The following TLK1 variants were observed in gnomAD, a reference collection of about 807,000 sequenced individuals.
The protein encoded by TLK1 is serine/threonine-protein kinase tousled-like 1.
Under a neutral mutation model 105.3 loss-of-function variants are expected in TLK1, and 24 were observed. The observed-to-expected ratio is 0.23, with a 90% CI of 0.17 to 0.32. The LOEUF is 0.32. TLK1 is among the 10% of genes least tolerant of loss of function. The pLI, the probability that TLK1 is intolerant of heterozygous loss-of-function variation, is 1.00. For missense variants in TLK1, 558 were observed against 910.5 expected (o/e 0.61, Z 4.98); for synonymous variants, 321 against 310.4 (o/e 1.03, Z -0.36).
chr2:171,205,859 A>T (rs1407302608), intron 1 of TLK1, among the ~76,000 whole-genome samples: 2 of 152,226 alleles, frequency 1.3e-5, no homozygotes, highest in African/African-American at 2.4e-5. Context: ...GATTGAAATG[A>T]AATATTATAT....
chr2:171,144,499 T>G (rs1187399218), intron 1 of TLK1, among the ~76,000 whole-genome samples: 2 of 152,024 alleles, frequency 1.3e-5, no homozygotes, highest in Non-Finnish European at 2.9e-5. Flanking sequence ...TAGAATTAAA[T>G]TAGAACTCAG....
chr2:171,126,484 A>AT (rs1690872224), intron 1 of TLK1, among the ~76,000 whole-genome samples: 1 of 152,194 alleles, frequency 6.6e-6, no homozygotes, highest in Non-Finnish European at 1.5e-5. Flanking sequence ...TATGATAGTT[A>AT]TATCACCTGT....
intron 1 of TLK1, among the ~76,000 whole-genome samples, chr2:171,134,830 A>C (rs1482509891): frequency 7.0e-6 from 1 of 143,506 alleles, no homozygotes; most frequent in Non-Finnish European, 1.5e-5. Context: ...CTTGAGGTGG[A>C]GCTCAAGCAA....
At chr2:171,075,027 A>G (rs1688438207) in intron 3 of TLK1, among the ~76,000 whole-genome samples, 1 of 152,096 alleles carries the variant, frequency 6.6e-6, no homozygotes, top group African/African-American at 2.4e-5. Context: ...AAGGCATTAA[A>G]AAAAAAAAGA....
intron 2 of TLK1, among the ~76,000 whole-genome samples, chr2:171,107,688 A>C (rs1027671188): frequency 6.6e-6 from 1 of 152,220 alleles, no homozygotes; most frequent in Non-Finnish European, 1.5e-5. Flanking sequence ...TAAAGTGACC[A>C]TGCGAAGGAG....
At position 171,049,861 on chromosome 2, in the gene TLK1, T is replaced by C. The variant is rs1188545818; in HGVS notation, c.933A>G (p.Ser311=). The C allele has an allele frequency of 3.1e-6, 5 of 1,613,952 alleles. No homozygotes were observed. Residue 311 remains serine (S), a synonymous_variant, in exon 10 of 21, where the codon TCA becomes TCG. Coordinates refer to ENST00000431350, the MANE Select transcript of TLK1 (RefSeq NM_012290.5). ...AACCATCTGTCCATTGTTCAGTAAA[T>C]GAAGCGCCATGTCTAACTGTTGTAA... ...GHFTTVRHGA[S]FTEQWTDGFA...
At chr2:171,087,866 A>C (rs754606009) in intron 2 of TLK1, among the ~76,000 whole-genome samples, 7 of 152,242 alleles carry the variant, frequency 4.6e-5, no homozygotes, top group Non-Finnish European at 1.0e-4. Context: ...AAAACAGAGA[A>C]GGTTAAGTAG....
chr2:171,030,997 A>T (rs1045900473), intron 11 of TLK1, among the ~76,000 whole-genome samples: 3 of 136,356 alleles, frequency 2.2e-5, no homozygotes, highest in Admixed American at 8.1e-5. Context: ...CAGGGCAGTG[A>T]TTCTTACCAT....
At chr2:171,119,371 G>C (rs879483201) in intron 1 of TLK1, among the ~76,000 whole-genome samples, 7 of 152,074 alleles carry the variant, frequency 4.6e-5, no homozygotes, top group African/African-American at 1.7e-4. Flanking sequence ...CCACCTTCTT[G>C]TTCTCTCTTA....
intron 11 of TLK1, among the ~76,000 whole-genome samples, chr2:171,042,895 A>C (rs1686756496): frequency 6.6e-6 from 1 of 152,182 alleles, no homozygotes; most frequent in African/African-American, 2.4e-5. Context: ...TGTAGGGCAA[A>C]TGCTGGAGAA....
At chr2:171,111,051 T>C (rs1418581713) in intron 2 of TLK1, among the ~76,000 whole-genome samples, 1 of 151,454 alleles carries the variant, frequency 6.6e-6, no homozygotes, top group Admixed American at 6.6e-5. Context: ...CAGAAATCAC[T>C]GCGGAAAAGG....
intron 12 of TLK1, chr2:171,022,903 C>G: frequency 2.8e-6 from 1 of 351,482 alleles, no homozygotes; most frequent in South Asian, 2.2e-5. Flanking sequence ...CTCCACTGTT[C>G]AAAAGGCTTG....
chr2:171,046,487 T>A lies in TLK1; in HGVS notation c.981-125A>T, dbSNP rs954933749. On this transcript the variant is annotated intron_variant, in intron 10 of 20. Coordinates refer to ENST00000431350, the MANE Select transcript of TLK1 (RefSeq NM_012290.5). Reference sequence around the variant, plus strand: ...TACATTCGTAACCTTTTGGTTCCACTCTTGTGAACCAATTTGTACTTATCC... The same window carrying A: ...TACATTCGTAACCTTTTGGTTCCACACTTGTGAACCAATTTGTACTTATCC... 4.7e-6 allele frequency: 5 copies of A among 1,063,230 alleles called. No individual in the cohort carries two copies. The Admixed American group carries it at 1.6e-4, about 35-fold the overall frequency. The allele number at this position is 1,063,230 out of a possible 1,614,324, so 65.9% of individuals were successfully genotyped here. A position where few individuals can be genotyped will look rare whatever the true frequency, so the allele number is the denominator to read the frequency against.
intron 1 of TLK1, among the ~76,000 whole-genome samples, chr2:171,170,326 T>C (rs747999043): frequency 4.6e-5 from 7 of 152,204 alleles, no homozygotes; most frequent in Non-Finnish European, 8.8e-5. Flanking sequence ...AAACATGAGA[T>C]ACACAAAAAG....
At chr2:171,044,577 G>A (rs1230309076) in intron 11 of TLK1, among the ~76,000 whole-genome samples, 1 of 152,154 alleles carries the variant, frequency 6.6e-6, no homozygotes, top group Non-Finnish European at 1.5e-5. Context: ...AAAGTGGGCT[G>A]GAGATGGTAA....
chr2:171,132,102 T>C (rs982501367), intron 1 of TLK1, among the ~76,000 whole-genome samples: 1 of 152,140 alleles, frequency 6.6e-6, no homozygotes, highest in Non-Finnish European at 1.5e-5. Context: ...ACTGGGTAAT[T>C]ATAAAGAAAA....
At chr2:171,121,260 G>A (rs1172300814) in intron 1 of TLK1, among the ~76,000 whole-genome samples, 6 of 152,000 alleles carry the variant, frequency 3.9e-5, no homozygotes, top group Non-Finnish European at 7.4e-5. Context: ...ATTAGATGTC[G>A]CGGCGCCTGC....
intron 8 of TLK1, among the ~76,000 whole-genome samples, chr2:171,051,802 AACAGAT>A (rs1209185399): frequency 5.3e-5 from 8 of 152,238 alleles, no homozygotes; most frequent in African/African-American, 1.9e-4. Flanking sequence ...AGAACACAGA[AACAGAT>A]CCACCTGTAT....
At chr2:171,219,699 C>A (rs1693773648) in intron 1 of TLK1, among the ~76,000 whole-genome samples, 2 of 151,678 alleles carry the variant, frequency 1.3e-5, no homozygotes, top group Admixed American at 6.6e-5. Flanking sequence ...CTCCTGGGTT[C>A]AAGAAATTCT....
Sources: gnomAD v4.1 joint callset for allele counts (sites outside exome capture counted in the v4.1 genomes callset) on GRCh38, gnomAD v4.1.1 for gene constraint, MANE v1.5 for transcripts, NCBI Gene and HGNC (gene_info 2026-07-23, HGNC 2026-07-21) for gene names.